TEX10: variants seen among roughly 807,000 people sequenced by gnomAD.
TEX10 encodes testis expressed 10, also known as testis-expressed protein 10.
TEX10 carries 24 observed loss-of-function variants against 104.4 expected under a neutral mutation model. That is an observed-to-expected ratio of 0.23 (90% confidence interval 0.17 to 0.32). TEX10 has a LOEUF of 0.32. Among genes scored for constraint, TEX10 ranks in the 10% least tolerant of loss-of-function variants. The probability of loss-of-function intolerance (pLI) is 1.00; values close to 1 mark genes in which losing one functional copy is unlikely to be tolerated. For missense variants in TEX10, 921 were observed against 1,083.9 expected, an observed-to-expected ratio of 0.85 and a Z score of 2.11; for synonymous variants, 396 against 393.4, an observed-to-expected ratio of 1.01 and a Z score of -0.08.
chr9:100,320,283 G>T lies in TEX10; in HGVS notation c.2184C>A (p.His728Gln). ...LYLTDLDQFL[H>Q]HWDVTEAVFH... is the part of the protein sequence containing the mutation. Reference sequence around the variant, plus strand: ...CTATTACCTCTGTTACATCCCAGTGGTGTAAAAATTGATCCAAATCTGTAA... The same window carrying T: ...CTATTACCTCTGTTACATCCCAGTGTTGTAAAAATTGATCCAAATCTGTAA... Residue 728 changes from histidine (H) to glutamine (Q), a missense_variant, in exon 11 of 15, where the codon CAC (histidine) becomes CAA (glutamine). Physicochemically the swap from His to Gln is conservative, Grantham distance 24 (BLOSUM62 0). Transcript: ENST00000374902. 5.0e-6 allele frequency: 8 copies of T among 1,611,062 alleles called. 2 individuals are homozygous for T. In the Middle Eastern group the frequency reaches 1.3e-3, roughly 266 times the overall value.
chr9:100,329,604 C>T (rs1221859458), intron 6 of TEX10, among the ~76,000 whole-genome samples: 1 of 152,140 alleles, frequency 6.6e-6, no homozygotes, highest in Non-Finnish European at 1.5e-5. Flanking sequence ...CTTAATATAA[C>T]TTAACCTTAA....
rs145442499 is a variant in TEX10 at position 100,327,805 on chromosome 9, T to C, written c.1783A>G (p.Thr595Ala). Reference protein sequence around the residue: ...NKELLKSLQATALRIYDPQEG... With the variant: ...NKELLKSLQAAALRIYDPQEG... ...CTCTTACCATAAATTCGGAGGGCAG[T>C]AGCTTGTAAACTTTTTAGTAATTCT... The change falls in exon 8 of 15, where the codon ACT becomes GCT. Residue 595 changes from threonine (T) to alanine (A), a missense_variant. Thr to Ala is a moderately conservative substitution (Grantham distance 58). Coordinates refer to ENST00000374902, the MANE Select transcript of TEX10 (RefSeq NM_017746.4). The C allele has an allele frequency of 1.9e-6, 3 of 1,587,510 alleles. No individual in the cohort carries two copies. The African/African-American group carries it at 4.0e-5, about 21-fold the overall frequency.
intron 6 of TEX10, among the ~76,000 whole-genome samples, chr9:100,329,513 T>C (rs1834799467): frequency 1.3e-5 from 2 of 152,042 alleles, no homozygotes; most frequent in Admixed American, 6.6e-5. Flanking sequence ...AACCAGAATA[T>C]TAGAAAGGCA....
chr9:100,350,007 G>GT (rs1326199012), intron 1 of TEX10, among the ~76,000 whole-genome samples: 1 of 152,088 alleles, frequency 6.6e-6, no homozygotes, highest in African/African-American at 2.4e-5. Context: ...ACAGAAAACA[G>GT]TATTCCCCCT....
chr9:100,306,033 A>C (rs41274955), intron 13 of TEX10: 6 of 152,334 alleles, frequency 3.9e-5, no homozygotes, highest in Non-Finnish European at 5.9e-5. Flanking sequence ...CTTTAAAGAA[A>C]CACCAATAAA....
intron 11 of TEX10, among the ~76,000 whole-genome samples, chr9:100,312,234 T>G (rs1834300070): frequency 6.6e-6 from 1 of 152,180 alleles, no homozygotes; most frequent in South Asian, 2.1e-4. Flanking sequence ...CCCTAAACAA[T>G]TCAGTTCTAA....
intron 10 of TEX10, among the ~76,000 whole-genome samples, chr9:100,320,764 A>G (rs1231659731): frequency 1.3e-5 from 2 of 152,356 alleles, no homozygotes; most frequent in East Asian, 1.9e-4. Flanking sequence ...TCCTACATAT[A>G]TATCAAATGC....
Position 100,303,657 on chromosome 9 carries a change from A to G in TEX10, c.2651T>C (p.Val884Ala). 7 of 1,614,052 alleles carry G rather than the reference A, an allele frequency of 4.3e-6. No homozygotes were observed. Among genetic ancestry groups the G allele is most frequent in the Non-Finnish European group, 5.9e-6 (7 of 1,180,016 alleles). The change falls in exon 14 of 15, where the codon GTG (valine) becomes GCG (alanine). Residue 884 changes from valine to alanine, a missense_variant. By Grantham distance (64) the Val-to-Ala change is moderately conservative. Transcript: ENST00000374902. ...RTHMLTNAIL[V>A]QQIIKNITTL... ...CGTGATATTCTTGATGATCTGCTGC[A>G]CCAAGATCGCATTGGTCAACATATG... is the stretch of plus-strand genomic sequence containing the variant.
chr9:100,351,129 G>C (rs1326247202), intron 1 of TEX10, among the ~76,000 whole-genome samples: 1 of 151,798 alleles, frequency 6.6e-6, no homozygotes, highest in East Asian at 1.9e-4. Context: ...AACCATGCAA[G>C]GTAGGTGGAA....
At chr9:100,344,996 T>C (rs955451254) in intron 4 of TEX10, among the ~76,000 whole-genome samples, 1 of 152,234 alleles carries the variant, frequency 6.6e-6, no homozygotes, top group Non-Finnish European at 1.5e-5. Flanking sequence ...GTAAGTACTA[T>C]ATACTTTTTT....
At chr9:100,336,396 C>T (rs922394069) in intron 5 of TEX10, among the ~76,000 whole-genome samples, 3 of 152,150 alleles carry the variant, frequency 2.0e-5, no homozygotes, top group African/African-American at 7.2e-5. Flanking sequence ...ACTGCCTGAG[C>T]TCTGCCTCCT....
At chr9:100,327,630 G>C (rs1834741594) in intron 8 of TEX10, among the ~76,000 whole-genome samples, 157 bp downstream of exon 8, 1 of 152,060 alleles carries the variant, frequency 6.6e-6, no homozygotes, top group Non-Finnish European at 1.5e-5. Context: ...TATTGAAAAT[G>C]AATTTACTGT....
intron 14 of TEX10, among the ~76,000 whole-genome samples, 177 bp downstream of exon 14, chr9:100,303,455 G>C (rs1834063555): frequency 7.4e-6 from 1 of 134,328 alleles, no homozygotes; most frequent in South Asian, 2.2e-4. Flanking sequence ...CCCCCATTAA[G>C]TCACAGTCAG....
chr9:100,326,631 A>G (rs1834711619), intron 8 of TEX10, 152 bp from the exon 9 acceptor site: 8 of 738,194 alleles, frequency 1.1e-5, no homozygotes, highest in Non-Finnish European at 1.6e-5. Context: ...AATTATATTA[A>G]TATCATAAAA....
At chr9:100,350,662 G>C (rs931734276) in intron 1 of TEX10, among the ~76,000 whole-genome samples, 1 of 152,076 alleles carries the variant, frequency 6.6e-6, no homozygotes, top group Non-Finnish European at 1.5e-5. Flanking sequence ...GCCATAAAAA[G>C]TGACAATGCT....
intron 11 of TEX10, among the ~76,000 whole-genome samples, chr9:100,310,992 ACC>A (rs1307403278): frequency 6.6e-6 from 1 of 152,158 alleles, no homozygotes; most frequent in Non-Finnish European, 1.5e-5. Context: ...CAACATGGAG[ACC>A]ACACAGTAAG....
intron 6 of TEX10, among the ~76,000 whole-genome samples, chr9:100,329,568 G>C (rs1055511948): frequency 6.6e-6 from 1 of 152,060 alleles, no homozygotes; most frequent in African/African-American, 2.4e-5. Flanking sequence ...TAAAATCAAA[G>C]AATTAGTAAG....
At chr9:100,351,000 A>T (rs1192971865) in intron 1 of TEX10, among the ~76,000 whole-genome samples, 4 of 152,184 alleles carry the variant, frequency 2.6e-5, no homozygotes, top group African/African-American at 9.7e-5. Flanking sequence ...TGTGCCTGGT[A>T]CATGGTTAAA....
intron 5 of TEX10, among the ~76,000 whole-genome samples, chr9:100,333,947 G>C (rs968261303): frequency 6.6e-5 from 10 of 152,050 alleles, no homozygotes; most frequent in Admixed American, 3.9e-4. Flanking sequence ...AAATTCAATG[G>C]ACTTATGTTT....
Sources: gnomAD v4.1 joint callset for allele counts (sites outside exome capture counted in the v4.1 genomes callset) on GRCh38, gnomAD v4.1.1 for gene constraint, MANE v1.5 for transcripts, NCBI Gene and HGNC (gene_info 2026-07-23, HGNC 2026-07-21) for gene names.